NELL1: variants seen among roughly 807,000 people sequenced by gnomAD.
NELL1 encodes the protein protein kinase C-binding protein NELL1.
A neutral mutation model predicts 107.4 loss-of-function variants in NELL1; 76 were observed. The observed-to-expected ratio is 0.71, with a 90% CI of 0.59 to 0.86. The LOEUF (loss-of-function observed/expected upper bound fraction) is 0.86, where lower values mean the gene tolerates loss of function less well. Among genes scored for constraint, NELL1 ranks in the 40% least tolerant of loss-of-function variants. NELL1 has a pLI of 0.00. For missense variants in NELL1, 1,024 were observed against 1,005.5 expected, an observed-to-expected ratio of 1.02 and a Z score of -0.25; for synonymous variants, 353 against 341.2, an observed-to-expected ratio of 1.03 and a Z score of -0.38.
At chr11:20,739,730 G>C in intron 2 of NELL1, among the ~76,000 whole-genome samples, 1 of 152,180 alleles carries the variant, frequency 6.6e-6, no homozygotes, top group East Asian at 1.9e-4. Flanking sequence ...TGGGCAGAGA[G>C]ACAAAGTGAC....
chr11:21,427,687 T>C (rs1036649366), intron 15 of NELL1, among the ~76,000 whole-genome samples: 1 of 152,124 alleles, frequency 6.6e-6, no homozygotes, highest in Non-Finnish European at 1.5e-5. Flanking sequence ...TTGGGCAACA[T>C]AGTGAGACCC....
chr11:20,966,534 T>TG (rs1361628259), intron 12 of NELL1, among the ~76,000 whole-genome samples: 1 of 152,090 alleles, frequency 6.6e-6, no homozygotes, highest in African/African-American at 2.4e-5. Context: ...AAGAATACCT[T>TG]GGGGTATCTT....
chr11:21,196,835 C>T (rs1386533487), intron 13 of NELL1, among the ~76,000 whole-genome samples: 1 of 151,394 alleles, frequency 6.6e-6, no homozygotes, highest in Non-Finnish European at 1.5e-5. Context: ...ATTTGAATAA[C>T]TTCAAATACC....
rs572316544 is a variant in NELL1, at chr11:21,516,795, G to A, written c.1646-17579G>A. ...CACTCTTCTTTTAAATATATCTAGC[G>A]ATTTGGCATTGGTATTTTTTTTTTT... On this transcript the variant is annotated intron_variant, in intron 15 of 19. Coordinates refer to ENST00000357134, the MANE Select transcript of NELL1 (RefSeq NM_006157.5). 1.0e-4 allele frequency among the ~76,000 whole-genome samples: 15 copies of A among 150,136 alleles called. No homozygotes were observed. In the East Asian group the frequency reaches 2.6e-3, roughly 26 times the overall value.
chr11:21,206,856 C>T (rs1001013393), intron 13 of NELL1, among the ~76,000 whole-genome samples: 1 of 152,156 alleles, frequency 6.6e-6, no homozygotes, highest in Non-Finnish European at 1.5e-5. Flanking sequence ...ATTTTTCCTA[C>T]CATGTTTCAT....
chr11:21,503,679 G>T (rs2133935283), intron 15 of NELL1, among the ~76,000 whole-genome samples: 1 of 152,246 alleles, frequency 6.6e-6, no homozygotes, highest in African/African-American at 2.4e-5. Context: ...CCCAGTTTGA[G>T]TAGCTGGGTC....
At chr11:20,997,377 T>C (rs1852114148) in intron 12 of NELL1, among the ~76,000 whole-genome samples, 1 of 152,228 alleles carries the variant, frequency 6.6e-6, no homozygotes, top group African/African-American at 2.4e-5. Context: ...TCCAGAGCAC[T>C]GGGATCAGAT....
chr11:21,479,689 G>A lies in NELL1; in HGVS notation c.1646-54685G>A, dbSNP rs531869781. ...TAAAAATAACTAAAAGTGTATATTTGGATTGTTAGTTACATAAAGAAAGGA... is the reference window on the plus strand; with the variant it reads ...TAAAAATAACTAAAAGTGTATATTTAGATTGTTAGTTACATAAAGAAAGGA... On this transcript the variant is annotated intron_variant, in intron 15 of 19. Transcript: ENST00000357134. Among the ~76,000 whole-genome samples the A allele has an allele frequency of 5.1e-4, 77 of 152,166 alleles. 2 individuals carry two copies. In the South Asian group the frequency reaches 0.015, roughly 29 times the overall value.
At chr11:20,938,908 G>GTCTCTCTCTCTGTCTC (rs1554947416) in intron 10 of NELL1, among the ~76,000 whole-genome samples, 2 of 144,540 alleles carry the variant, frequency 1.4e-5, no homozygotes, top group African/African-American at 5.3e-5. Context: ...TTCTCTCTCT[G>GTCTCTCTCTCTGTCTC]TCTCTCTCTC....
chr11:21,308,944 C>T (rs1383901401), intron 14 of NELL1, among the ~76,000 whole-genome samples: 1 of 151,504 alleles, frequency 6.6e-6, no homozygotes, highest in Non-Finnish European at 1.5e-5. Context: ...TCTAAAATGC[C>T]TTGAAAAAAA....
chr11:20,880,588 T>TC (rs1265026467), intron 4 of NELL1, among the ~76,000 whole-genome samples: 12 of 152,234 alleles, frequency 7.9e-5, no homozygotes, highest in African/African-American at 2.9e-4. Context: ...CTAAGATACT[T>TC]CTTGGCTTTG....
intron 2 of NELL1, among the ~76,000 whole-genome samples, chr11:20,776,928 C>T (rs1439740492): frequency 6.6e-6 from 1 of 152,188 alleles, no homozygotes; most frequent in East Asian, 1.9e-4. Context: ...AGTTCCTTCA[C>T]CTGTAAAATG....
At chr11:21,115,034 G>A (rs1194598319) in intron 13 of NELL1, among the ~76,000 whole-genome samples, 1 of 151,954 alleles carries the variant, frequency 6.6e-6, no homozygotes, top group Non-Finnish European at 1.5e-5. Context: ...CTGTGTGGAA[G>A]ACCTTGTTGA....
At chr11:21,309,291 T>TA (rs1430320184) in intron 14 of NELL1, among the ~76,000 whole-genome samples, 4 of 78,834 alleles carry the variant, frequency 5.1e-5, no homozygotes, top group African/African-American at 1.6e-4. Flanking sequence ...TATATATATA[T>TA]ATATATATGT....
chr11:21,262,286 A>G (rs2133923901), intron 14 of NELL1, among the ~76,000 whole-genome samples: 1 of 151,894 alleles, frequency 6.6e-6, no homozygotes, highest in Admixed American at 6.6e-5. Context: ...TATCTGTACC[A>G]TGACTCTGGG....
At chr11:21,013,603 T>C (rs1852499450) in intron 12 of NELL1, among the ~76,000 whole-genome samples, 1 of 152,148 alleles carries the variant, frequency 6.6e-6, no homozygotes. Flanking sequence ...AATGAGCTTC[T>C]TATTTTAGAA....
chr11:21,337,747 T>C (rs554231565), intron 14 of NELL1, among the ~76,000 whole-genome samples: 17 of 121,954 alleles, frequency 1.4e-4, no homozygotes, highest in African/African-American at 6.3e-4. Flanking sequence ...TTTCTTTCTT[T>C]CTTTCTTTCT....
At chr11:21,548,860 C>T (rs779020917) in intron 16 of NELL1, among the ~76,000 whole-genome samples, 2 of 150,778 alleles carry the variant, frequency 1.3e-5, no homozygotes, top group Non-Finnish European at 3.0e-5. Flanking sequence ...CCCTTTGTTA[C>T]TCTTTCTATA....
intron 9 of NELL1, among the ~76,000 whole-genome samples, chr11:20,930,075 C>G (rs749525363): frequency 6.6e-6 from 1 of 151,852 alleles, no homozygotes; most frequent in Non-Finnish European, 1.5e-5. Flanking sequence ...TGAATGCCAT[C>G]TCTTGAAAGT....
Sources: allele counts gnomAD v4.1 joint callset (sites outside exome capture counted in the v4.1 genomes callset), GRCh38; gene constraint gnomAD v4.1.1; transcripts MANE v1.5; gene names NCBI Gene and HGNC (gene_info 2026-07-23, HGNC 2026-07-21).